The following LPAR1 variants were observed in gnomAD, a reference collection of about 807,000 sequenced individuals.
The protein encoded by LPAR1 is LPA receptor 1.
In LPAR1, 5 loss-of-function variants were observed where a neutral mutation model predicts 23.8. The observed-to-expected ratio is 0.21, with a 90% CI of 0.11 to 0.44. The LOEUF (loss-of-function observed/expected upper bound fraction) is 0.44. Ranked by LOEUF, LPAR1 falls within the 20% of genes least tolerant of loss-of-function variation. LPAR1 has a pLI of 0.99. For synonymous variants in LPAR1, 160 were observed against 164.7 expected (o/e 0.97, Z 0.22); for missense variants, 311 against 482.8 (o/e 0.64, Z 3.33).
At chr9:110,970,136 T>C (rs535149845) in intron 4 of LPAR1, among the ~76,000 whole-genome samples, 10 of 152,278 alleles carry the variant, frequency 6.6e-5, no homozygotes, top group African/African-American at 2.4e-4. Context: ...CACCAGCTGA[T>C]AGGAGCTTGT....
chr9:110,945,604 AAAT>A (rs770963651), intron 4 of LPAR1, among the ~76,000 whole-genome samples: 57 of 152,368 alleles, frequency 3.7e-4, no homozygotes, highest in Non-Finnish European at 6.5e-4. Context: ...AAATTGCTAT[AAAT>A]TTAGCAGCAT....
chr9:110,967,964 G>C (rs2096277025), intron 4 of LPAR1, among the ~76,000 whole-genome samples: 1 of 152,166 alleles, frequency 6.6e-6, no homozygotes, highest in East Asian at 1.9e-4. Context: ...CGTGGGCTTA[G>C]TTCCCCAACC....
chr9:110,967,330 C>T (rs1053734601), intron 4 of LPAR1, among the ~76,000 whole-genome samples: 1 of 152,178 alleles, frequency 6.6e-6, no homozygotes, highest in Non-Finnish European at 1.5e-5. Context: ...TATCTTTCAA[C>T]TAACTAAACA....
intron 3 of LPAR1, among the ~76,000 whole-genome samples, chr9:110,973,001 T>A (rs1194081397): frequency 6.6e-6 from 1 of 151,908 alleles, no homozygotes; most frequent in Non-Finnish European, 1.5e-5. Flanking sequence ...CAACCCTGTA[T>A]ATAACAGAGA....
chr9:110,929,021 A>G (rs542498674), intron 5 of LPAR1, among the ~76,000 whole-genome samples: 1 of 152,384 alleles, frequency 6.6e-6, no homozygotes, highest in South Asian at 2.1e-4. Context: ...CTTAAAATGC[A>G]GTGTTCTTTG....
upstream of LPAR1, chr9:111,038,556 C>T (rs2097944734): frequency 6.7e-6 from 3 of 449,132 alleles, no homozygotes; most frequent in Admixed American, 2.4e-5. The surrounding 1 kb of genome is among the most constrained non-coding windows in gnomAD (Gnocchi z 4.4). Flanking sequence ...TCTCTTCCTC[C>T]GCCTTCCTTC....
chr9:110,955,797 A>G (rs961277169), intron 4 of LPAR1, among the ~76,000 whole-genome samples: 2 of 152,042 alleles, frequency 1.3e-5, no homozygotes, highest in Non-Finnish European at 2.9e-5. Flanking sequence ...ATACTACTGA[A>G]TGACCATTGG....
chr9:111,014,078 CA>C (rs1313928874), intron 2 of LPAR1, among the ~76,000 whole-genome samples: 1 of 152,180 alleles, frequency 6.6e-6, no homozygotes, highest in Non-Finnish European at 1.5e-5. Flanking sequence ...TCAATTCTCA[CA>C]ATGCCCAGCC....
intron 2 of LPAR1, among the ~76,000 whole-genome samples, chr9:111,008,311 T>G (rs139847728): frequency 1.9e-3 from 289 of 152,262 alleles, no homozygotes; most frequent in African/African-American, 6.9e-3. Context: ...CACAAAAACA[T>G]GTAAAACTGC....
At chr9:110,946,317 G>A (rs976116423) in intron 4 of LPAR1, among the ~76,000 whole-genome samples, 1 of 151,886 alleles carries the variant, frequency 6.6e-6, no homozygotes, top group Non-Finnish European at 1.5e-5. Context: ...TAAAAAGAAA[G>A]GTCTCAGATT....
At chr9:111,024,772 C>T (rs956555806) in intron 2 of LPAR1, among the ~76,000 whole-genome samples, 1 of 151,718 alleles carries the variant, frequency 6.6e-6, no homozygotes, top group Non-Finnish European at 1.5e-5. Flanking sequence ...CATTGTTCAA[C>T]TCCCACTTAT....
At position 110,997,608 on chromosome 9, in the gene LPAR1, T is replaced by G. The variant is rs568036121; in HGVS notation, c.-181-24050A>C. ...TTAAACACAAAACAAAACCAGACTT[T>G]TAACAGAGTTTTTTATTTAGTAGAA... On this transcript the variant is annotated intron_variant, in intron 2 of 5. Transcript: ENST00000683809. Among the ~76,000 whole-genome samples, 3 of 152,320 alleles carry G rather than the reference T, an allele frequency of 2.0e-5. No homozygotes were observed. In the East Asian group the frequency reaches 5.8e-4, roughly 29 times the overall value.
intron 5 of LPAR1, among the ~76,000 whole-genome samples, chr9:110,893,873 T>C (rs987389959): frequency 7.2e-5 from 11 of 152,170 alleles, no homozygotes; most frequent in Non-Finnish European, 1.3e-4. Flanking sequence ...TCATCTACTA[T>C]GCTCCCTGGT....
chr9:110,999,364 T>C (rs1332206375), intron 2 of LPAR1: 3 of 454,030 alleles, frequency 6.6e-6, no homozygotes, highest in African/African-American at 6.0e-5. Context: ...TAGAAATAAA[T>C]TAGAAGGTTC....
intron 5 of LPAR1, among the ~76,000 whole-genome samples, chr9:110,893,573 T>C (rs1309527373): frequency 6.6e-6 from 1 of 152,208 alleles, no homozygotes; most frequent in African/African-American, 2.4e-5. Context: ...TCATTGGCAG[T>C]AGTTACCTTG....
intron 2 of LPAR1, among the ~76,000 whole-genome samples, chr9:111,033,541 TTTTC>T (rs1336208587): frequency 4.0e-5 from 6 of 150,962 alleles, no homozygotes; most frequent in Non-Finnish European, 8.8e-5. Context: ...GCCACCTTCT[TTTTC>T]TTTTTCTTTT....
intron 4 of LPAR1, among the ~76,000 whole-genome samples, chr9:110,961,339 G>T (rs12377575): frequency 6.6e-5 from 10 of 151,466 alleles, no homozygotes; most frequent in Non-Finnish European, 8.8e-5. Flanking sequence ...AGAGGTTTAG[G>T]GCCAGGCACG....
At chr9:110,956,009 A>T (rs1209326703) in intron 4 of LPAR1, among the ~76,000 whole-genome samples, 2 of 152,114 alleles carry the variant, frequency 1.3e-5, no homozygotes, top group Non-Finnish European at 2.9e-5. Context: ...AAAGAACAAA[A>T]TCAAGCCCCA....
intron 4 of LPAR1, among the ~76,000 whole-genome samples, chr9:110,970,470 G>A (rs796925594): frequency 7.2e-5 from 11 of 152,222 alleles, no homozygotes; most frequent in African/African-American, 2.6e-4. Context: ...AGAGGAATGC[G>A]TATGACGATG....
Sources: allele counts gnomAD v4.1 joint callset (sites outside exome capture counted in the v4.1 genomes callset), GRCh38; gene constraint gnomAD v4.1.1; non-coding constraint Gnocchi (gnomAD v3.1); transcripts MANE v1.5; gene names NCBI Gene and HGNC (gene_info 2026-07-23, HGNC 2026-07-21).